NKAIN2: variants seen among roughly 807,000 people sequenced by gnomAD.
NKAIN2 encodes sodium/potassium-transporting ATPase subunit beta-1-interacting protein 2.
NKAIN2 carries 14 observed loss-of-function variants against 32.6 expected under a neutral mutation model. That is an observed-to-expected ratio of 0.43 (90% CI 0.28 to 0.67). The LOEUF (loss-of-function observed/expected upper bound fraction) is 0.67, where lower values mean the gene tolerates loss of function less well. NKAIN2 is among the 30% of genes least tolerant of loss of function. The pLI is 0.17. For synonymous variants in NKAIN2, 80 were observed against 87.2 expected, an observed-to-expected ratio of 0.92 and a Z score of 0.46; for missense variants, 198 against 258.3, an observed-to-expected ratio of 0.77 and a Z score of 1.60.
At chr6:124,249,877 G>A (rs1275135419) in intron 1 of NKAIN2, among the ~76,000 whole-genome samples, 1 of 152,120 alleles carries the variant, frequency 6.6e-6, no homozygotes, top group Non-Finnish European at 1.5e-5. Flanking sequence ...AAGGACTGTA[G>A]CCTATATAAA....
intron 1 of NKAIN2, among the ~76,000 whole-genome samples, chr6:124,185,994 C>T (rs1048913296): frequency 2.7e-5 from 4 of 150,156 alleles, no homozygotes; most frequent in African/African-American, 2.5e-5. Flanking sequence ...CGTAGAAGCT[C>T]GGAAAAAAGA....
intron 3 of NKAIN2, among the ~76,000 whole-genome samples, chr6:124,438,294 A>G (rs1775547056): frequency 6.6e-6 from 1 of 152,100 alleles, no homozygotes; most frequent in Non-Finnish European, 1.5e-5. Flanking sequence ...CACCTTATAA[A>G]CACTACACCC....
At chr6:124,298,382 C>T (rs1796153417) in intron 2 of NKAIN2, among the ~76,000 whole-genome samples, 1 of 152,084 alleles carries the variant, frequency 6.6e-6, no homozygotes. Context: ...AAAAAGTCCA[C>T]TACTTTTTCA....
chr6:124,683,614 G>GGTGCGTGCTTGACCAGT (rs1395322083), intron 4 of NKAIN2, among the ~76,000 whole-genome samples: 8 of 152,086 alleles, frequency 5.3e-5, no homozygotes, highest in Non-Finnish European at 1.2e-4. Flanking sequence ...CAGCCTCCAG[G>GGTGCGTGCTTGACCAGT]GTGCGTGCTT....
At chr6:124,726,578 A>G (rs1403758451) in intron 4 of NKAIN2, among the ~76,000 whole-genome samples, 3 of 150,196 alleles carry the variant, frequency 2.0e-5, no homozygotes, top group African/African-American at 7.4e-5. Flanking sequence ...ATCAAAGACC[A>G]AAAGTAGATA....
intron 1 of NKAIN2, among the ~76,000 whole-genome samples, chr6:123,940,512 A>T (rs1402305945): frequency 6.6e-6 from 1 of 152,118 alleles, no homozygotes; most frequent in East Asian, 1.9e-4. Context: ...AGCCTACTAC[A>T]CATCTAGGGC....
intron 3 of NKAIN2, among the ~76,000 whole-genome samples, chr6:124,493,133 A>C (rs1777930224): frequency 6.6e-6 from 1 of 152,026 alleles, no homozygotes; most frequent in African/African-American, 2.4e-5. Context: ...ATTAAATATT[A>C]GATATTATTT....
chr6:124,178,117 G>T (rs1214514269), intron 1 of NKAIN2, among the ~76,000 whole-genome samples: 2 of 151,972 alleles, frequency 1.3e-5, no homozygotes, highest in Non-Finnish European at 2.9e-5. Context: ...TGAAGATGCA[G>T]CAAAAAGGTG....
intron 1 of NKAIN2, among the ~76,000 whole-genome samples, chr6:124,181,682 T>G (rs1789453964): frequency 6.6e-6 from 1 of 152,172 alleles, no homozygotes; most frequent in Non-Finnish European, 1.5e-5. Flanking sequence ...ATGGGCAAAA[T>G]GTTGCCGGTC....
At chr6:124,323,547 C>T (rs1446338938) in intron 2 of NKAIN2, among the ~76,000 whole-genome samples, 1 of 151,988 alleles carries the variant, frequency 6.6e-6, no homozygotes, top group Non-Finnish European at 1.5e-5. Context: ...GTTGAAAAGA[C>T]TACTCTTTCC....
intron 1 of NKAIN2, among the ~76,000 whole-genome samples, chr6:124,101,529 TATTA>T (rs1320546517): frequency 6.6e-6 from 1 of 152,214 alleles, no homozygotes; most frequent in East Asian, 1.9e-4. Context: ...GTATCATTTC[TATTA>T]ATTTATTGTT....
chr6:124,229,086 T>G (rs1309761187), intron 1 of NKAIN2, among the ~76,000 whole-genome samples: 2 of 152,170 alleles, frequency 1.3e-5, no homozygotes, highest in African/African-American at 4.8e-5. Flanking sequence ...TATGTAGTCA[T>G]TGGAAGATAT....
chr6:124,651,651 G>A (rs1784372494), intron 3 of NKAIN2, among the ~76,000 whole-genome samples: 1 of 152,088 alleles, frequency 6.6e-6, no homozygotes, highest in South Asian at 2.1e-4. Context: ...CAAGCTTCTT[G>A]AATGTGGGGA....
intron 3 of NKAIN2, among the ~76,000 whole-genome samples, chr6:124,563,851 G>A (rs532103487): frequency 6.6e-6 from 1 of 152,244 alleles, no homozygotes; most frequent in Non-Finnish European, 1.5e-5. Flanking sequence ...TGACAGTAGG[G>A]CTTCACTGGG....
chr6:123,900,531 A>ACTTTTTTTTTTTTTTTTTTT (rs1774515956), intron 1 of NKAIN2, among the ~76,000 whole-genome samples: 1 of 23,886 alleles, frequency 4.2e-5, no homozygotes, highest in South Asian at 2.2e-3. Context: ...TCTCCAGATT[A>ACTTTTTTTTTTTTTTTTTTT]GTTTTTTTTT....
chr6:124,513,279 A>G lies in NKAIN2; in HGVS notation c.274-144907A>G, dbSNP rs566718593. On this transcript the variant is annotated intron_variant, in intron 3 of 6. Coordinates refer to ENST00000368417, the MANE Select transcript of NKAIN2 (RefSeq NM_001040214.3). ...ACTTATATTTTCTACTATTGGATAAAATTAGGACTCTTATTAAAAAAGGCG... is the reference window on the plus strand; with the variant it reads ...ACTTATATTTTCTACTATTGGATAAGATTAGGACTCTTATTAAAAAAGGCG... Among the ~76,000 whole-genome samples the G allele has an allele frequency of 2.6e-5, 4 of 152,310 alleles. No individual in the cohort carries two copies. The South Asian group carries it at 8.3e-4, about 32-fold the overall frequency.
chr6:123,812,738 G>A (rs1434021541), intron 1 of NKAIN2, among the ~76,000 whole-genome samples: 1 of 152,130 alleles, frequency 6.6e-6, no homozygotes, highest in African/African-American at 2.4e-5. Context: ...CTTAGGCGGG[G>A]GAGTGGTGAA....
intron 1 of NKAIN2, among the ~76,000 whole-genome samples, chr6:123,952,334 T>C (rs1020916263): frequency 2.0e-5 from 3 of 152,166 alleles, no homozygotes; most frequent in African/African-American, 4.8e-5. Context: ...ATCTCTCTTT[T>C]TCTTTGACTT....
chr6:124,253,417 T>C (rs1395340349), intron 1 of NKAIN2, among the ~76,000 whole-genome samples: 1 of 152,178 alleles, frequency 6.6e-6, no homozygotes, highest in Non-Finnish European at 1.5e-5. Context: ...CAAATAGTGA[T>C]GATGTTATTT....
Sources: allele counts gnomAD v4.1 joint callset (sites outside exome capture counted in the v4.1 genomes callset), GRCh38; gene constraint gnomAD v4.1.1; transcripts MANE v1.5; gene names NCBI Gene and HGNC (gene_info 2026-07-23, HGNC 2026-07-21).